IL17RA: variants seen among roughly 807,000 people sequenced by gnomAD.
IL17RA encodes interleukin 17 receptor A.
Under a neutral mutation model 50.4 loss-of-function variants are expected in IL17RA, and 34 were observed. The observed-to-expected ratio is 0.67, with a 90% CI of 0.51 to 0.90. IL17RA has a LOEUF of 0.90. Among genes scored for constraint, IL17RA ranks in the 40% least tolerant of loss-of-function variants. The probability of loss-of-function intolerance (pLI) is 0.00; values close to 1 mark genes in which losing one functional copy is unlikely to be tolerated. For missense variants in IL17RA, 1,276 were observed against 1,169.8 expected, an observed-to-expected ratio of 1.09 and a Z score of -1.32; for synonymous variants, 585 against 510.4, an observed-to-expected ratio of 1.15 and a Z score of -1.97.
Position 17,085,029 on chromosome 22 carries a change from C to G in IL17RA, c.-63C>G. 1 of 1,296,014 alleles carries G rather than the reference C, an allele frequency of 7.7e-7. No individual in the cohort carries two copies. The highest frequency in any genetic ancestry group is 3.2e-5 in the East Asian group (1 of 31,734). The allele number at this position is 1,296,014 out of a possible 1,614,324, so 80.3% of individuals were successfully genotyped here. On this transcript the variant is annotated 5_prime_UTR_variant, in exon 1 of 13. Transcript: ENST00000319363. ...CGAACTCCACCGCGGAAAAGAAAGC[C>G]TCAGAACGTTCGTTCGCTGCGTCCC...
rs769648701 is a variant in IL17RA at position 17,105,583 on chromosome 22, C to T, written c.932-8C>T. The T allele has an allele frequency of 2.5e-6, 4 of 1,612,740 alleles. No homozygotes were observed. In the African/African-American group the frequency reaches 5.3e-5, roughly 22 times the overall value. On this transcript the variant is annotated splice_region_variant and splice_polypyrimidine_tract_variant and intron_variant, in intron 9 of 12. Transcript: ENST00000319363. ...CTATTTTCCCTTTTTCCTCTGTTCT[C>T]ATTGCAGAACCAATTCCGGGTAAGC...
chr22:17,085,017 G>T lies in IL17RA; in HGVS notation c.-75G>T, dbSNP rs1263192896. On this transcript the variant is annotated 5_prime_UTR_variant, in exon 1 of 13. Coordinates refer to ENST00000319363, the MANE Select transcript of IL17RA (RefSeq NM_014339.7). Reference sequence around the variant, plus strand: ...GTGGAGCCGACTCGAACTCCACCGCGGAAAAGAAAGCCTCAGAACGTTCGT... The same window carrying T: ...GTGGAGCCGACTCGAACTCCACCGCTGAAAAGAAAGCCTCAGAACGTTCGT... 5 of 1,269,772 alleles carry T rather than the reference G, an allele frequency of 3.9e-6. No homozygotes were observed. The highest frequency in any genetic ancestry group is 4.2e-5 in the Admixed American group (1 of 23,668). The allele number at this position is 1,269,772 out of a possible 1,614,324, so 78.7% of individuals were successfully genotyped here. A position where few individuals can be genotyped will look rare whatever the true frequency, so the allele number is the denominator to read the frequency against.
At chr22:17,100,598 C>CAA in intron 5 of IL17RA, 117 bp downstream of exon 5, 2 of 1,318,082 alleles carry the variant, frequency 1.5e-6, no homozygotes, top group Non-Finnish European at 2.2e-6. Context: ...TTGCCAGCAC[C>CAA]TGGGACCCAC....
chr22:17,112,977 A>C lies in IL17RA; in HGVS notation c.*3157A>C, dbSNP rs2061449813. 1 of 137,720 alleles carries C rather than the reference A, an allele frequency of 7.3e-6. No homozygotes were observed. The highest frequency in any genetic ancestry group is 2.4e-4 in the South Asian group (1 of 4,228). The allele number at this position is 137,720 out of a possible 1,614,324, so 8.5% of individuals were successfully genotyped here. On this transcript the variant is annotated 3_prime_UTR_variant, in exon 13 of 13. Transcript: ENST00000319363. ...GTTTCATGACTTTTTCCTGCCTACT[A>C]TCTTGATCCTAGTTTTTTTTTTGTT...
At position 17,112,225 on chromosome 22, in the gene IL17RA, C is replaced by T. The variant is rs2061446183; in HGVS notation, c.*2405C>T. 1 of 152,218 alleles carries T rather than the reference C, an allele frequency of 6.6e-6. No individual in the cohort carries two copies. 9.4% of individuals were successfully genotyped at this position (152,218 alleles called of 1,614,324 possible). ...GCTCTGCTGGCCTTTGAGCCCATGC[C>T]AGTAAATGTCCTGATGGGCATTGCC... On this transcript the variant is annotated 3_prime_UTR_variant, in exon 13 of 13. Coordinates refer to ENST00000319363, the MANE Select transcript of IL17RA (RefSeq NM_014339.7).
At chr22:17,093,149 T>C (rs1212602865) in intron 1 of IL17RA, among the ~76,000 whole-genome samples, 2 of 152,220 alleles carry the variant, frequency 1.3e-5, no homozygotes, top group Non-Finnish European at 2.9e-5. Context: ...AAATATCTGG[T>C]ACTCCTTGGC....
chr22:17,105,974 C>T lies in IL17RA; in HGVS notation c.1045+20C>T. The T allele has an allele frequency of 1.3e-6, 2 of 1,599,664 alleles. No individual in the cohort carries two copies. Among genetic ancestry groups the T allele is most frequent in the Non-Finnish European group, 1.7e-6 (2 of 1,167,616 alleles). Reference sequence around the variant, plus strand: ...TAGCTGGTAAGCGCTGGGGCTCTGGCTGTCCTGGAGTCAGGCTCTAATACC... The same window carrying T: ...TAGCTGGTAAGCGCTGGGGCTCTGGTTGTCCTGGAGTCAGGCTCTAATACC... On this transcript the variant is annotated intron_variant, in intron 11 of 12. Transcript: ENST00000319363.
intron 1 of IL17RA, among the ~76,000 whole-genome samples, chr22:17,094,703 A>ATATATGTGTATATATATATATATATGTG (rs1555873374): frequency 3.0e-5 from 2 of 65,882 alleles, no homozygotes; most frequent in Admixed American, 2.5e-4. Flanking sequence ...ATATATATAT[A>ATATATGTGTATATATATATATATATGTG]TATATATATA....
intron 4 of IL17RA, among the ~76,000 whole-genome samples, chr22:17,099,905 A>C (rs981191055): frequency 2.0e-5 from 3 of 152,214 alleles, no homozygotes; most frequent in Non-Finnish European, 4.4e-5. Context: ...TTTTTACTCC[A>C]TAATGGTCTC....
chr22:17,102,182 C>A lies in IL17RA; in HGVS notation c.642C>A (p.Ala214=), dbSNP rs746893415. The A allele has an allele frequency of 6.2e-7, 1 of 1,614,132 alleles. No homozygotes were observed. The highest frequency in any genetic ancestry group is 1.1e-5 in the South Asian group (1 of 91,080). Residue 214 remains alanine (A), a synonymous_variant, in exon 7 of 13, where the codon GCC becomes GCA. Transcript: ENST00000319363. ...DPNITVETLE[A]HQLRVSFTLW... ...ACATCACCGTGGAGACCCTGGAGGC[C>A]CACCAGCTGCGTGTGAGCTTCACCC...
rs2061449581 is a variant in IL17RA at position 17,112,939 on chromosome 22, A to G, written c.*3119A>G. 3 of 148,040 alleles carry G rather than the reference A, an allele frequency of 2.0e-5. No homozygotes were observed. The highest frequency in any genetic ancestry group is 5.0e-5 in the African/African-American group (2 of 39,872). The allele number at this position is 148,040 out of a possible 1,614,324, so 9.2% of individuals were successfully genotyped here. Reference sequence around the variant, plus strand: ...GCACGCAGCCACCAACAAGCTCCCAACTCCCGCGTAGAGTTTCATGACTTT... The same window carrying G: ...GCACGCAGCCACCAACAAGCTCCCAGCTCCCGCGTAGAGTTTCATGACTTT... On this transcript the variant is annotated 3_prime_UTR_variant, in exon 13 of 13. Coordinates refer to ENST00000319363, the MANE Select transcript of IL17RA (RefSeq NM_014339.7).
At chr22:17,094,693 A>ATATATATATATATATG (rs2061362100) in intron 1 of IL17RA, among the ~76,000 whole-genome samples, 1 of 45,270 alleles carries the variant, frequency 2.2e-5, no homozygotes, top group Non-Finnish European at 3.9e-5. Flanking sequence ...CTCTCTCTCT[A>ATATATATATATATATG]TATATATATA....
rs4819555 is a variant in IL17RA at position 17,109,379 on chromosome 22, C to G, written c.2160C>G (p.Pro720=). The change falls in exon 13 of 13, where the codon CCC becomes CCG. Residue 720 remains proline, a synonymous_variant. Coordinates refer to ENST00000319363, the MANE Select transcript of IL17RA (RefSeq NM_014339.7). Reference sequence around the variant, plus strand: ...GGCGAAATAGCGTCCTCTTCCTCCCCGTGGACCCCGAGGACTCGCCCCTTG... The same window carrying G: ...GGCGAAATAGCGTCCTCTTCCTCCCGGTGGACCCCGAGGACTCGCCCCTTG... ...GAGRNSVLFL[P]VDPEDSPLGS... is the part of the protein sequence containing the mutation. 4.3e-6 allele frequency: 7 copies of G among 1,611,306 alleles called. No homozygotes were observed. Among genetic ancestry groups the G allele is most frequent in the Non-Finnish European group, 5.9e-6 (7 of 1,179,518 alleles).
At chr22:17,091,419 A>G (rs761766764) in intron 1 of IL17RA, among the ~76,000 whole-genome samples, 28 of 152,180 alleles carry the variant, frequency 1.8e-4, no homozygotes, top group Non-Finnish European at 2.6e-4. Flanking sequence ...GCTTACGCCT[A>G]TAATCCCAGC....
chr22:17,105,612 G>A lies in IL17RA; in HGVS notation c.943+10G>A, dbSNP rs1251354497. The A allele has an allele frequency of 5.0e-6, 8 of 1,613,240 alleles. No individual in the cohort carries two copies. The highest frequency in any genetic ancestry group is 5.9e-6 in the Non-Finnish European group (7 of 1,179,314). On this transcript the variant is annotated intron_variant, in intron 10 of 12. Coordinates refer to ENST00000319363, the MANE Select transcript of IL17RA (RefSeq NM_014339.7). ...GCAGAACCAATTCCGGGTAAGCTTG[G>A]ATCTCTCTCCGACAGCACTGCAGCC...
chr22:17,106,002 C>T, intron 11 of IL17RA, 48 bp downstream of exon 11: 1 of 1,365,934 alleles, frequency 7.3e-7, no homozygotes, highest in Non-Finnish European at 1.0e-6. Context: ...CTAATACCAG[C>T]ACCACCACTC....
chr22:17,086,920 G>T (rs1404919995), intron 1 of IL17RA, among the ~76,000 whole-genome samples: 1 of 152,234 alleles, frequency 6.6e-6, no homozygotes, highest in African/African-American at 2.4e-5. Flanking sequence ...TGCTGTGCGT[G>T]GCGTGGGAGC....
At position 17,113,734 on chromosome 22, in the gene IL17RA, G is replaced by A. The variant is rs1028438553; in HGVS notation, c.*3914G>A. ...ATGGAGGGCCGCTGCTCCAGCAGCC[G>A]GGCCTGCATCCCACAAGTCAACTGT... On this transcript the variant is annotated 3_prime_UTR_variant, in exon 13 of 13. Transcript: ENST00000319363. The A allele has an allele frequency of 6.6e-6, 1 of 152,260 alleles. No homozygotes were observed. The highest frequency in any genetic ancestry group is 6.5e-5 in the Admixed American group (1 of 15,292). 9.4% of individuals were successfully genotyped at this position (152,260 alleles called of 1,614,324 possible).
chr22:17,107,037 CTG>C (rs2123809200), intron 11 of IL17RA, among the ~76,000 whole-genome samples: 1 of 152,286 alleles, frequency 6.6e-6, no homozygotes, highest in South Asian at 2.1e-4. Context: ...GCTCAGTCAT[CTG>C]TGGATCTCAA....
Sources: allele counts gnomAD v4.1 joint callset (sites outside exome capture counted in the v4.1 genomes callset), GRCh38; gene constraint gnomAD v4.1.1; transcripts MANE v1.5; gene names NCBI Gene and HGNC (gene_info 2026-07-23, HGNC 2026-07-21).